Variants in PCCA observed in about 807,000 individuals in gnomAD.
PCCA encodes propionyl-CoA carboxylase alpha chain, mitochondrial.
A neutral mutation model predicts 101.3 loss-of-function variants in PCCA; 74 were observed. The observed-to-expected ratio is 0.73, with a 90% CI of 0.61 to 0.89. The LOEUF is 0.89. Among genes scored for constraint, PCCA ranks in the 40% least tolerant of loss-of-function variants. PCCA has a pLI of 0.00. For missense variants in PCCA, 891 were observed against 907.0 expected (o/e 0.98, Z 0.23); for synonymous variants, 294 against 313.6 (o/e 0.94, Z 0.66).
chr13:100,445,783 AT>A (rs140825214), intron 20 of PCCA, among the ~76,000 whole-genome samples: 86,068 of 152,000 alleles, frequency 0.57, 26,500 homozygotes, highest in African/African-American at 0.82. Flanking sequence ...CATTTTGCAT[AT>A]TATACCACAT....
chr13:100,243,182 C>G (rs2061252286), intron 8 of PCCA, among the ~76,000 whole-genome samples: 1 of 152,202 alleles, frequency 6.6e-6, no homozygotes, highest in Non-Finnish European at 1.5e-5. Flanking sequence ...AAGTGTAAGC[C>G]ACCACATCTG....
chr13:100,231,077 A>G (rs1358121335), intron 7 of PCCA, among the ~76,000 whole-genome samples: 1 of 152,194 alleles, frequency 6.6e-6, no homozygotes, highest in Non-Finnish European at 1.5e-5. Flanking sequence ...GAAAGTTTTC[A>G]GGAATCTATT....
chr13:100,447,160 G>A (rs544223347), intron 20 of PCCA, among the ~76,000 whole-genome samples: 5 of 151,992 alleles, frequency 3.3e-5, no homozygotes, highest in Non-Finnish European at 7.4e-5. Context: ...TTGAGGGAGC[G>A]GGTTATGAGG....
intron 21 of PCCA, chr13:100,473,263 C>CTGCTG (rs1247880656): frequency 1.3e-5 from 2 of 152,216 alleles, no homozygotes; most frequent in African/African-American, 2.4e-5. Context: ...TGCCTCTGCG[C>CTGCTG]TGCTGTTATC....
At chr13:100,425,842 C>G in intron 20 of PCCA, 111 bp downstream of exon 20, 2 of 742,434 alleles carry the variant, frequency 2.7e-6, no homozygotes, top group Non-Finnish European at 4.8e-6. Flanking sequence ...ATTTTATTCA[C>G]CTTATACTTT....
chr13:100,104,672 A>G (rs954252854), intron 2 of PCCA: 1 of 152,086 alleles, frequency 6.6e-6, no homozygotes, highest in African/African-American at 2.4e-5. Context: ...AAACCAATTA[A>G]TACACAGGGC....
At chr13:100,514,083 T>C (rs1276990711) in intron 21 of PCCA, among the ~76,000 whole-genome samples, 2 of 152,216 alleles carry the variant, frequency 1.3e-5, no homozygotes, top group East Asian at 1.9e-4. Flanking sequence ...TCACCACTTA[T>C]GACTCAGATG....
intron 6 of PCCA, among the ~76,000 whole-genome samples, chr13:100,204,214 C>T (rs1415601315): frequency 2.0e-5 from 3 of 151,972 alleles, no homozygotes; most frequent in Non-Finnish European, 4.4e-5. Flanking sequence ...ACTGCAGCCT[C>T]TACCCGCTGG....
At chr13:100,321,591 CTGTGTGTGTGTG>C (rs35931512) in intron 16 of PCCA, among the ~76,000 whole-genome samples, 7,064 of 131,992 alleles carry the variant, frequency 0.054, 245 homozygotes, top group African/African-American at 0.1. Context: ...TATAGAAGAT[CTGTGTGTGTGTG>C]TGTGTGTGTG....
At chr13:100,411,112 A>T (rs2078024706) in intron 19 of PCCA, among the ~76,000 whole-genome samples, 1 of 152,138 alleles carries the variant, frequency 6.6e-6, no homozygotes, top group Admixed American at 6.6e-5. Context: ...ATCAGTAGAC[A>T]CAGAAACAGA....
At chr13:100,329,040 C>A (rs1346464349) in intron 16 of PCCA, among the ~76,000 whole-genome samples, 1 of 148,256 alleles carries the variant, frequency 6.7e-6, no homozygotes, top group African/African-American at 2.5e-5. Flanking sequence ...TGTTCTAGTA[C>A]CATTTATTGA....
At chr13:100,248,059 G>A (rs536460250) in intron 8 of PCCA, among the ~76,000 whole-genome samples, 1 of 151,162 alleles carries the variant, frequency 6.6e-6, no homozygotes, top group East Asian at 1.9e-4. Context: ...TCATCTGCCA[G>A]TGAACTGTTG....
intron 20 of PCCA, among the ~76,000 whole-genome samples, chr13:100,443,767 T>C (rs1407867564): frequency 2.6e-5 from 4 of 152,134 alleles, no homozygotes; most frequent in South Asian, 2.1e-4. Context: ...TAGAGCAAAA[T>C]TGAGATCGTC....
chr13:100,372,659 G>A (rs539307879), intron 19 of PCCA, among the ~76,000 whole-genome samples: 4 of 152,120 alleles, frequency 2.6e-5, no homozygotes, highest in African/African-American at 9.6e-5. Context: ...TAACCACTCT[G>A]TCAGAGTACA....
At chr13:100,122,267 A>T (rs1415148750) in intron 4 of PCCA, among the ~76,000 whole-genome samples, 1 of 151,996 alleles carries the variant, frequency 6.6e-6, no homozygotes, top group Admixed American at 6.5e-5. Flanking sequence ...GTATTTTATT[A>T]ATTTTGTGTT....
intron 21 of PCCA, among the ~76,000 whole-genome samples, chr13:100,512,872 C>G (rs1169358325): frequency 6.6e-6 from 1 of 152,198 alleles, no homozygotes; most frequent in Non-Finnish European, 1.5e-5. Flanking sequence ...GAGCTTGTAC[C>G]CCACGGTCCA....
At chr13:100,442,243 C>T (rs780067372) in intron 20 of PCCA, among the ~76,000 whole-genome samples, 4 of 152,152 alleles carry the variant, frequency 2.6e-5, no homozygotes, top group Non-Finnish European at 5.9e-5. Context: ...ATCCGCCTTC[C>T]TTGACCTCCC....
At chr13:100,131,134 A>G (rs1169152882) in intron 4 of PCCA, among the ~76,000 whole-genome samples, 1 of 152,122 alleles carries the variant, frequency 6.6e-6, no homozygotes, top group African/African-American at 2.4e-5. Context: ...AAGAGAAAAA[A>G]AAAGGGGCTT....
chr13:100,427,218 AAAAC>A (rs990723260), intron 20 of PCCA, among the ~76,000 whole-genome samples: 6 of 152,186 alleles, frequency 3.9e-5, no homozygotes, highest in African/African-American at 1.4e-4. Context: ...CTCTGTCTCC[AAAAC>A]AAACAAACAA....
Sources: gnomAD v4.1 joint callset for allele counts (sites outside exome capture counted in the v4.1 genomes callset) on GRCh38, gnomAD v4.1.1 for gene constraint, MANE v1.5 for transcripts, NCBI Gene and HGNC (gene_info 2026-07-23, HGNC 2026-07-21) for gene names.